The following OTUD7A variants were observed in gnomAD, a reference collection of about 807,000 sequenced individuals.
OTUD7A encodes the protein OTU domain-containing protein 7A.
OTUD7A carries 12 observed loss-of-function variants against 65.7 expected under a neutral mutation model. The observed-to-expected ratio is 0.18, with a 90% CI of 0.12 to 0.30. The LOEUF (loss-of-function observed/expected upper bound fraction) is 0.30, where lower values mean the gene tolerates loss of function less well. OTUD7A is among the 10% of genes least tolerant of loss of function. The pLI is 1.00. For missense variants in OTUD7A, 1,148 were observed against 1,304.8 expected, an observed-to-expected ratio of 0.88 and a Z score of 1.85; for synonymous variants, 641 against 586.3, an observed-to-expected ratio of 1.09 and a Z score of -1.35.
At chr15:31,659,069 AAATAAATAAATAAAAT>A (rs971256069) in intron 1 of OTUD7A, among the ~76,000 whole-genome samples, 9 of 141,844 alleles carry the variant, frequency 6.3e-5, no homozygotes, top group African/African-American at 2.5e-4. Context: ...ATAAATAAAT[AAATAAATAAATAAAAT>A]AAAATTAAAA....
At chr15:31,753,721 T>TTATA (rs149582805) in intron 1 of OTUD7A, among the ~76,000 whole-genome samples, 44 of 106,752 alleles carry the variant, frequency 4.1e-4, no homozygotes, top group East Asian at 2.1e-3. Flanking sequence ...TATATATATA[T>TTATA]TATATATATA....
At chr15:31,503,227 T>C (rs2041499559) in intron 9 of OTUD7A, among the ~76,000 whole-genome samples, 1 of 152,260 alleles carries the variant, frequency 6.6e-6, no homozygotes, top group African/African-American at 2.4e-5. Flanking sequence ...TGCCCTTGCC[T>C]CTTTCTCTGC....
intron 1 of OTUD7A, among the ~76,000 whole-genome samples, chr15:31,699,662 G>A (rs1479552200): frequency 1.3e-5 from 2 of 152,108 alleles, no homozygotes; most frequent in East Asian, 3.9e-4. Flanking sequence ...GCCTGCAGAG[G>A]GAAGACCATT....
At chr15:31,811,058 G>C (rs1036027961) in intron 1 of OTUD7A, among the ~76,000 whole-genome samples, 3 of 152,204 alleles carry the variant, frequency 2.0e-5, no homozygotes, top group Non-Finnish European at 4.4e-5. Context: ...GAGCAGGAGG[G>C]GCTGCAGTGA....
chr15:31,623,098 T>A (rs1890846068), intron 3 of OTUD7A, among the ~76,000 whole-genome samples: 1 of 152,206 alleles, frequency 6.6e-6, no homozygotes, highest in African/African-American at 2.4e-5. Context: ...GAACAGCGAA[T>A]GTTGCTGCCT....
intron 8 of OTUD7A, among the ~76,000 whole-genome samples, chr15:31,517,150 C>T (rs940184861): frequency 2.0e-5 from 3 of 152,192 alleles, no homozygotes; most frequent in African/African-American, 7.2e-5. Flanking sequence ...GGACACCTGC[C>T]AGGTAAGAGA....
In OTUD7A at chr15:31,782,386, C is replaced by T. The variant is rs920468881; in HGVS notation, c.-100+88121G>A. Among the ~76,000 whole-genome samples the T allele has an allele frequency of 2.6e-5, 4 of 152,190 alleles. 1 individual carries two copies. Among genetic ancestry groups the T allele is most frequent in the African/African-American group, 9.7e-5 (4 of 41,440 alleles). ...GAGGTGGCAAAAGACTAGGTATGTT[C>T]CCTGAATACGGCAAAGGTCAGTGTG... On this transcript the variant is annotated intron_variant, in intron 1 of 12. Transcript: ENST00000307050.
At chr15:31,766,836 T>C (rs1416917375) in intron 1 of OTUD7A, 1 of 1,612,118 alleles carries the variant, frequency 6.2e-7, no homozygotes, top group African/African-American at 1.3e-5. Context: ...TATTTTGTCC[T>C]TCTATGTTCG....
At chr15:31,844,874 C>G (rs894128300) in intron 1 of OTUD7A, among the ~76,000 whole-genome samples, 1 of 152,246 alleles carries the variant, frequency 6.6e-6, no homozygotes, top group Admixed American at 6.5e-5. Context: ...ACTCAGGGCC[C>G]TGCTTACTGC....
rs35732957 is a variant in OTUD7A, at chr15:31,821,133, CT to C, written c.-100+49373del. ...TGTGGCATAAATCAGTTTTTCATTTCTTTTTTTTTTTTTTTTTTTTTGAGAC... is the reference window on the plus strand; with the variant it reads ...TGTGGCATAAATCAGTTTTTCATTTCTTTTTTTTTTTTTTTTTTTTGAGAC... On this transcript the variant is annotated intron_variant, in intron 1 of 12. Transcript: ENST00000307050. Among the ~76,000 whole-genome samples the C allele has an allele frequency of 7.1e-3, 690 of 97,438 alleles. 1 individual carries two copies. Among genetic ancestry groups the C allele is most frequent in the Non-Finnish European group, 7.1e-3 (362 of 50,914 alleles). The allele number at this position is 97,438 out of a possible 152,430, so 63.9% of individuals were successfully genotyped here.
chr15:31,487,313 G>C lies in OTUD7A; in HGVS notation c.1287-35C>G, dbSNP rs1566879828. On this transcript the variant is annotated intron_variant, in intron 11 of 12. Transcript: ENST00000307050. The surrounding 1 kb of genome is among the most constrained non-coding windows in gnomAD (Gnocchi z 6.0). ...GAAGAATATCCTATTGAAATGGTCT[G>C]AGCTGGCCCTTATAGCACCCAGTCC... The C allele has an allele frequency of 6.2e-6, 10 of 1,609,784 alleles. No homozygotes were observed. The highest frequency in any genetic ancestry group is 8.5e-6 in the Non-Finnish European group (10 of 1,176,442).
chr15:31,641,184 C>A (rs1891505337), intron 3 of OTUD7A, among the ~76,000 whole-genome samples: 1 of 152,188 alleles, frequency 6.6e-6, no homozygotes, highest in Admixed American at 6.5e-5. Context: ...AGTGTCTGGC[C>A]TCTCCCCTGC....
At chr15:31,748,339 A>T (rs1894535037) in intron 1 of OTUD7A, among the ~76,000 whole-genome samples, 1 of 151,896 alleles carries the variant, frequency 6.6e-6, no homozygotes, top group Admixed American at 6.6e-5. Flanking sequence ...ACACACACAC[A>T]CATATAAATA....
chr15:31,697,993 C>T (rs557250021), intron 1 of OTUD7A, among the ~76,000 whole-genome samples: 31 of 152,302 alleles, frequency 2.0e-4, no homozygotes, highest in African/African-American at 7.0e-4. Context: ...TACTGCTCAT[C>T]AGGCAGCTTC....
At chr15:31,679,855 T>C (rs1892673702) in intron 1 of OTUD7A, among the ~76,000 whole-genome samples, 1 of 152,078 alleles carries the variant, frequency 6.6e-6, no homozygotes, top group Non-Finnish European at 1.5e-5. Flanking sequence ...AAGTTCTATA[T>C]GAGAAAAAAA....
chr15:31,786,889 T>A (rs190783212), intron 1 of OTUD7A, among the ~76,000 whole-genome samples: 6 of 152,280 alleles, frequency 3.9e-5, no homozygotes, highest in Non-Finnish European at 8.8e-5. Context: ...CATCTCATTA[T>A]GAAATGTGTG....
At chr15:31,564,076 TAAC>T (rs1370216829) in intron 4 of OTUD7A, among the ~76,000 whole-genome samples, 1 of 149,692 alleles carries the variant, frequency 6.7e-6, no homozygotes, top group Non-Finnish European at 1.5e-5. Flanking sequence ...AAAATAATAA[TAAC>T]AATAATAAAG....
chr15:31,536,067 G>A (rs930370464), intron 5 of OTUD7A, among the ~76,000 whole-genome samples: 1 of 152,126 alleles, frequency 6.6e-6, no homozygotes, highest in African/African-American at 2.4e-5. Context: ...CACAAAATGA[G>A]GGTGGAAACC....
At position 31,831,147 on chromosome 15, in the gene OTUD7A, C is replaced by T. The variant is rs370596289; in HGVS notation, c.-100+39360G>A. On this transcript the variant is annotated intron_variant, in intron 1 of 12. Coordinates refer to ENST00000307050, the MANE Select transcript of OTUD7A (RefSeq NM_001382637.1). ...TTGAATCCCTACCTCACACTATACA[C>T]AAAAATTAGAGATGAATCACAATGC... Among the ~76,000 whole-genome samples, 38 of 152,238 alleles carry T rather than the reference C, an allele frequency of 2.5e-4. No homozygotes were observed. In the South Asian group the frequency reaches 7.0e-3, roughly 28 times the overall value.
Sources: gnomAD v4.1 joint callset for allele counts (sites outside exome capture counted in the v4.1 genomes callset) on GRCh38, gnomAD v4.1.1 for gene constraint, Gnocchi (gnomAD v3.1) non-coding constraint, MANE v1.5 for transcripts, NCBI Gene and HGNC (gene_info 2026-07-23, HGNC 2026-07-21) for gene names.